Variants in GADL1 observed in about 807,000 individuals in gnomAD.
GADL1 encodes the protein GAD like acidic amino acid decarboxylase 1, also known as acidic amino acid decarboxylase GADL1.
In GADL1, 71 loss-of-function variants were observed where a neutral mutation model predicts 69.5. The observed-to-expected ratio is 1.02, with a 90% confidence interval of 0.84 to 1.25. GADL1 has a LOEUF of 1.25. Among genes scored for constraint, GADL1 ranks in the 50% most tolerant of loss-of-function variants. The probability of loss-of-function intolerance (pLI) is 0.00; values close to 1 mark genes in which losing one functional copy is unlikely to be tolerated. For synonymous variants in GADL1, 254 were observed against 214.4 expected (o/e 1.18, Z -1.62); for missense variants, 737 against 631.8 (o/e 1.17, Z -1.79).
chr3:30,830,260 C>A (rs1368778986), intron 11 of GADL1, among the ~76,000 whole-genome samples: 3 of 151,924 alleles, frequency 2.0e-5, no homozygotes, highest in Non-Finnish European at 4.4e-5. Flanking sequence ...AAGTCCCCCC[C>A]TGCCAGCTTA....
intron 14 of GADL1, among the ~76,000 whole-genome samples, chr3:30,743,681 T>C (rs1224527971): frequency 6.6e-6 from 1 of 152,182 alleles, no homozygotes; most frequent in Non-Finnish European, 1.5e-5. Context: ...GCATGGGTGT[T>C]TTCTAGTTGG....
At chr3:30,876,006 C>T (rs775776600) in intron 1 of GADL1, among the ~76,000 whole-genome samples, 11 of 151,972 alleles carry the variant, frequency 7.2e-5, no homozygotes, top group African/African-American at 1.2e-4. Flanking sequence ...GAAGCTGATC[C>T]GTGACTTTTC....
At chr3:30,754,568 A>G (rs1695918040) in intron 14 of GADL1, among the ~76,000 whole-genome samples, 1 of 152,172 alleles carries the variant, frequency 6.6e-6, no homozygotes, top group Non-Finnish European at 1.5e-5. Context: ...GTATTACCTC[A>G]ATGGCTAAAT....
At chr3:30,741,158 G>T (rs181673148) in intron 14 of GADL1, among the ~76,000 whole-genome samples, 1 of 137,920 alleles carries the variant, frequency 7.3e-6, no homozygotes, top group African/African-American at 2.8e-5. Flanking sequence ...TAGGTGGTTT[G>T]TTTGTATAAA....
At chr3:30,829,453 T>G (rs1030464547) in intron 11 of GADL1, among the ~76,000 whole-genome samples, 2 of 151,966 alleles carry the variant, frequency 1.3e-5, no homozygotes, top group Non-Finnish European at 2.9e-5. Flanking sequence ...TAATTTCTTT[T>G]AAACTAGAGT....
chr3:30,812,499 T>A (rs534050139), intron 11 of GADL1, among the ~76,000 whole-genome samples: 6 of 152,130 alleles, frequency 3.9e-5, no homozygotes, highest in African/African-American at 1.4e-4. Context: ...CCATCAGATC[T>A]TGTAAGACCT....
At chr3:30,748,163 G>C (rs1396327564) in intron 14 of GADL1, among the ~76,000 whole-genome samples, 1 of 152,164 alleles carries the variant, frequency 6.6e-6, no homozygotes, top group African/African-American at 2.4e-5. Flanking sequence ...CAAATCAATG[G>C]CATAGACACT....
At chr3:30,875,545 C>T (rs745633301) in intron 1 of GADL1, among the ~76,000 whole-genome samples, 1 of 151,914 alleles carries the variant, frequency 6.6e-6, no homozygotes, top group African/African-American at 2.4e-5. Flanking sequence ...TCGCACACAA[C>T]ATACAATAGT....
intron 13 of GADL1, chr3:30,778,647 T>G (rs896287017): frequency 6.2e-6 from 1 of 161,370 alleles, no homozygotes; most frequent in Admixed American, 6.0e-5. Context: ...ATCATAGGCT[T>G]CCAATAATTC....
At chr3:30,844,660 T>C (rs913780626) in intron 6 of GADL1, among the ~76,000 whole-genome samples, 194 bp from the exon 7 acceptor site, 4 of 152,188 alleles carry the variant, frequency 2.6e-5, no homozygotes, top group African/African-American at 7.2e-5. Context: ...GAAACCAGGA[T>C]TGAACGTCAA....
In GADL1 at chr3:30,861,697, T is replaced by A. The variant is rs1698323693; in HGVS notation, c.106A>T (p.Asn36Tyr). 6.5e-7 allele frequency: 1 copy of A among 1,549,940 alleles called. No individual in the cohort carries two copies. The highest frequency in any genetic ancestry group is 8.7e-7 in the Non-Finnish European group (1 of 1,145,462). Reference sequence around the variant, plus strand: ...GCTTTTGCATCTGTTGTAGGACCATTCAGCACAACCCCATCCACAAGAACA... The same window carrying A: ...GCTTTTGCATCTGTTGTAGGACCATACAGCACAACCCCATCCACAAGAACA... Reference protein sequence around the residue: ...NAVLVDGVVLNGPTTDAKAGE... With the variant: ...NAVLVDGVVLYGPTTDAKAGE... Residue 36 changes from asparagine (N) to tyrosine (Y), a missense_variant, in exon 2 of 15, where the codon AAT becomes TAT. Physicochemically the swap from Asn to Tyr is moderately radical, Grantham distance 143 (BLOSUM62 -2). Coordinates refer to ENST00000282538, the MANE Select transcript of GADL1 (RefSeq NM_207359.3).
chr3:30,878,653 T>A (rs1036764419), intron 1 of GADL1, among the ~76,000 whole-genome samples: 1 of 151,882 alleles, frequency 6.6e-6, no homozygotes, highest in Non-Finnish European at 1.5e-5. Context: ...TTTGAACATA[T>A]TTACCTTTGG....
At chr3:30,843,545 C>T (rs78408003) in intron 8 of GADL1, among the ~76,000 whole-genome samples, 1 of 152,152 alleles carries the variant, frequency 6.6e-6, no homozygotes, top group Non-Finnish European at 1.5e-5. Flanking sequence ...CGTGAGCCAC[C>T]GCGCCCGGCC....
At chr3:30,765,930 A>G (rs1189810595) in intron 14 of GADL1, among the ~76,000 whole-genome samples, 1 of 145,218 alleles carries the variant, frequency 6.9e-6, no homozygotes, top group Non-Finnish European at 1.5e-5. Context: ...TTGCTTTATT[A>G]TCGTAACTGG....
intron 6 of GADL1, among the ~76,000 whole-genome samples, chr3:30,845,789 C>T (rs1304932263): frequency 6.6e-6 from 1 of 152,108 alleles, no homozygotes; most frequent in Non-Finnish European, 1.5e-5. Context: ...GCTAAGGTGA[C>T]ATAGCTCGGG....
At chr3:30,789,706 C>A (rs1202672065) in intron 12 of GADL1, among the ~76,000 whole-genome samples, 3 of 152,178 alleles carry the variant, frequency 2.0e-5, no homozygotes, top group Non-Finnish European at 2.9e-5. Flanking sequence ...TCTCCATGAG[C>A]ATTTGCTGCT....
chr3:30,729,981 T>A (rs1695430493), intron 14 of GADL1, among the ~76,000 whole-genome samples: 2 of 152,032 alleles, frequency 1.3e-5, no homozygotes, highest in South Asian at 4.2e-4. Flanking sequence ...GTAGAAAAGG[T>A]GATGTTAGAG....
intron 11 of GADL1, among the ~76,000 whole-genome samples, chr3:30,832,852 C>G (rs1697814783): frequency 6.6e-6 from 1 of 151,982 alleles, no homozygotes; most frequent in Admixed American, 6.6e-5. Context: ...CATTAAGGAA[C>G]TGATTCATAT....
chr3:30,878,898 A>G (rs1698610007), intron 1 of GADL1, among the ~76,000 whole-genome samples: 1 of 151,968 alleles, frequency 6.6e-6, no homozygotes, highest in Non-Finnish European at 1.5e-5. Flanking sequence ...AAAACATGAT[A>G]TATAGTAAGT....
Sources: gnomAD v4.1 joint callset for allele counts (sites outside exome capture counted in the v4.1 genomes callset) on GRCh38, gnomAD v4.1.1 for gene constraint, MANE v1.5 for transcripts, NCBI Gene and HGNC (gene_info 2026-07-23, HGNC 2026-07-21) for gene names.